Variants in COL25A1 observed in about 807,000 individuals in gnomAD.
The protein encoded by COL25A1 is collagen alpha-1(XXV) chain.
A neutral mutation model predicts 128.4 loss-of-function variants in COL25A1; 103 were observed. That is an observed-to-expected ratio of 0.80 (90% CI 0.68 to 0.94). The LOEUF (loss-of-function observed/expected upper bound fraction) is 0.94. Among genes scored for constraint, COL25A1 ranks in the 40% least tolerant of loss-of-function variants. COL25A1 has a pLI of 0.00. For missense variants in COL25A1, 745 were observed against 840.0 expected (o/e 0.89, Z 1.40); for synonymous variants, 279 against 277.2 (o/e 1.01, Z -0.06).
intron 25 of COL25A1, 145 bp from the exon 26 acceptor site, chr4:108,852,425 C>G (rs1013628042): frequency 4.8e-6 from 3 of 628,820 alleles, no homozygotes; most frequent in Non-Finnish European, 8.2e-6. Flanking sequence ...AAAAATTTTA[C>G]TAGTTACATA....
chr4:109,043,117 C>T (rs1760079133), intron 5 of COL25A1, among the ~76,000 whole-genome samples: 1 of 105,066 alleles, frequency 9.5e-6, no homozygotes, highest in African/African-American at 5.6e-5. Context: ...CAATGCTCAC[C>T]CTTCTCTGTA....
chr4:109,221,910 C>T (rs1426794636), intron 3 of COL25A1, among the ~76,000 whole-genome samples: 1 of 152,134 alleles, frequency 6.6e-6, no homozygotes, highest in Admixed American at 6.6e-5. Flanking sequence ...GTCAATGTTG[C>T]TGTTGTAATA....
chr4:108,964,163 A>C (rs1368920482), intron 8 of COL25A1, among the ~76,000 whole-genome samples: 1 of 151,114 alleles, frequency 6.6e-6, no homozygotes, highest in Non-Finnish European at 1.5e-5. Flanking sequence ...ATAATCAAAT[A>C]ATTATTTACA....
chr4:108,956,485 A>G (rs958134640), intron 8 of COL25A1, among the ~76,000 whole-genome samples: 1 of 152,216 alleles, frequency 6.6e-6, no homozygotes, highest in Admixed American at 6.5e-5. Context: ...TGCTCACTGC[A>G]AACTCCACCT....
At chr4:109,059,004 G>A (rs1473606619) in intron 3 of COL25A1, among the ~76,000 whole-genome samples, 1 of 152,136 alleles carries the variant, frequency 6.6e-6, no homozygotes, top group Non-Finnish European at 1.5e-5. Flanking sequence ...AAGCACGAAG[G>A]CACAGGCATA....
chr4:109,128,952 G>A (rs28674516), intron 3 of COL25A1, among the ~76,000 whole-genome samples: 44,439 of 151,940 alleles, frequency 0.29, 7,602 homozygotes, highest in African/African-American at 0.47. Context: ...AGGAATTTCT[G>A]AACTGAAGAG....
chr4:108,870,461 A>G (rs77077370), intron 19 of COL25A1, among the ~76,000 whole-genome samples: 3 of 149,472 alleles, frequency 2.0e-5, no homozygotes, highest in African/African-American at 7.4e-5. Flanking sequence ...AAAAAAAAAA[A>G]GGCAGGAGTG....
intron 2 of COL25A1, among the ~76,000 whole-genome samples, chr4:109,301,353 T>C (rs151056312): frequency 4.9e-4 from 75 of 152,328 alleles, no homozygotes; most frequent in African/African-American, 1.7e-3. Context: ...CTAACCATCT[T>C]ACAACATGTA....
chr4:108,941,386 T>C lies in COL25A1; in HGVS notation c.544A>G (p.Ile182Val). The C allele has an allele frequency of 6.2e-7, 1 of 1,613,948 alleles. No individual in the cohort carries two copies. The highest frequency in any genetic ancestry group is 8.5e-7 in the Non-Finnish European group (1 of 1,179,836). Reference sequence around the variant, plus strand: ...ACTACCTTAATCAGGCGGCGTTTAATGAGCTGCTGATCAGCAGAGAGAAAC... The same window carrying C: ...ACTACCTTAATCAGGCGGCGTTTAACGAGCTGCTGATCAGCAGAGAGAAAC... ...HGFLSADQQLIKRRLIKGDQG... is the reference protein window; with the variant it reads ...HGFLSADQQLVKRRLIKGDQG... Residue 182 changes from isoleucine to valine, a missense_variant, in exon 9 of 38, where the codon ATT (isoleucine) becomes GTT (valine). Around this residue, in one of 3 missense-constraint regions of COL25A1, gnomAD observed 319 missense variants for 324.9 expected, o/e 0.98. Coordinates refer to ENST00000399132, the MANE Select transcript of COL25A1 (RefSeq NM_198721.4).
chr4:109,047,729 T>C (rs4605730), intron 5 of COL25A1, among the ~76,000 whole-genome samples: 667 of 22,172 alleles, frequency 0.03, 71 homozygotes, highest in Middle Eastern at 0.15. Context: ...AAGTATACTC[T>C]TTTTTTTTTT....
At chr4:109,215,329 C>A (rs1777900647) in intron 3 of COL25A1, among the ~76,000 whole-genome samples, 1 of 152,106 alleles carries the variant, frequency 6.6e-6, no homozygotes, top group Admixed American at 6.6e-5. Flanking sequence ...CTGGTTTATA[C>A]CAGCTTTCAT....
chr4:108,992,896 C>T (rs1249335758), intron 6 of COL25A1, among the ~76,000 whole-genome samples: 1 of 151,678 alleles, frequency 6.6e-6, no homozygotes, highest in Non-Finnish European at 1.5e-5. Flanking sequence ...TATTCTGAGT[C>T]TCAAGTCAAG....
At chr4:109,150,005 T>C (rs1380257641) in intron 3 of COL25A1, among the ~76,000 whole-genome samples, 1 of 151,656 alleles carries the variant, frequency 6.6e-6, no homozygotes, top group Non-Finnish European at 1.5e-5. Flanking sequence ...TGTGGGTGTG[T>C]GTGTGTGTAT....
chr4:109,260,850 GAA>G (rs369700003), intron 3 of COL25A1, among the ~76,000 whole-genome samples: 1 of 150,848 alleles, frequency 6.6e-6, no homozygotes, highest in Admixed American at 6.6e-5. Flanking sequence ...CAATCAGGAG[GAA>G]AAAAAACAAT....
intron 3 of COL25A1, among the ~76,000 whole-genome samples, chr4:109,079,366 A>T (rs1375547723): frequency 1.3e-5 from 2 of 152,228 alleles, no homozygotes; most frequent in African/African-American, 4.8e-5. Flanking sequence ...GTTTAGTATT[A>T]ACTGAAAATT....
intron 15 of COL25A1, among the ~76,000 whole-genome samples, chr4:108,898,753 G>C (rs1389260989): frequency 6.6e-6 from 1 of 152,092 alleles, no homozygotes; most frequent in African/African-American, 2.4e-5. Context: ...GATTTTGCAG[G>C]CCTAAGGATT....
intron 5 of COL25A1, among the ~76,000 whole-genome samples, chr4:109,032,175 C>A (rs958022078): frequency 2.6e-5 from 4 of 152,016 alleles, no homozygotes; most frequent in Non-Finnish European, 5.9e-5. Context: ...TAAGATCACA[C>A]CACTAGTAAA....
intron 6 of COL25A1, among the ~76,000 whole-genome samples, chr4:108,983,857 C>G (rs1039767722): frequency 6.6e-6 from 1 of 152,086 alleles, no homozygotes; most frequent in Non-Finnish European, 1.5e-5. Flanking sequence ...AGTGTGGACC[C>G]GAAGAGTGAG....
At chr4:108,949,069 C>T (rs1028520659) in intron 8 of COL25A1, among the ~76,000 whole-genome samples, 2 of 152,050 alleles carry the variant, frequency 1.3e-5, no homozygotes, top group African/African-American at 2.4e-5. Flanking sequence ...AAGCATTTTC[C>T]TGGTCTGAGT....
Sources: allele counts gnomAD v4.1 joint callset (sites outside exome capture counted in the v4.1 genomes callset), GRCh38; gene constraint gnomAD v4.1.1; regional missense constraint gnomAD v4.1.1; transcripts MANE v1.5; gene names NCBI Gene and HGNC (gene_info 2026-07-23, HGNC 2026-07-21).